The following MBNL2 variants were observed in gnomAD, a reference collection of about 807,000 sequenced individuals.
The protein encoded by MBNL2 is muscleblind-like protein 2.
A neutral mutation model predicts 41.9 loss-of-function variants in MBNL2; 17 were observed. The observed-to-expected ratio is 0.41, with a 90% confidence interval of 0.28 to 0.61. The LOEUF (loss-of-function observed/expected upper bound fraction) is 0.61. Among genes scored for constraint, MBNL2 ranks in the 20% least tolerant of loss-of-function variants. The pLI is 0.35. For synonymous variants in MBNL2, 195 were observed against 182.9 expected (o/e 1.07, Z -0.53); for missense variants, 336 against 505.6 (o/e 0.66, Z 3.22).
chr13:97,343,863 A>G (rs960716056), intron 4 of MBNL2, among the ~76,000 whole-genome samples: 12 of 152,118 alleles, frequency 7.9e-5, no homozygotes, highest in Admixed American at 7.9e-4. Flanking sequence ...CTGGAGTGCA[A>G]TGGTGCAATC....
At chr13:97,227,007 C>T (rs1365596174) in intron 1 of MBNL2, among the ~76,000 whole-genome samples, 1 of 147,662 alleles carries the variant, frequency 6.8e-6, no homozygotes, top group Admixed American at 6.8e-5. Context: ...TGCAGAATTT[C>T]GCTTTCCCCC....
chr13:97,255,729 A>T (rs2047400054), intron 1 of MBNL2, among the ~76,000 whole-genome samples: 1 of 152,238 alleles, frequency 6.6e-6, no homozygotes, highest in Admixed American at 6.5e-5. Flanking sequence ...GAAACTGTTT[A>T]GGACCTCATG....
At chr13:97,300,308 T>C (rs2152999434) in intron 2 of MBNL2, among the ~76,000 whole-genome samples, 1 of 152,290 alleles carries the variant, frequency 6.6e-6, no homozygotes, top group Admixed American at 6.5e-5. Context: ...AGAATAAGTT[T>C]TGGTGGACAG....
chr13:97,182,260 A>G, the MBNL2 span, among the ~76,000 whole-genome samples: 1 of 152,218 alleles, frequency 6.6e-6, no homozygotes, highest in South Asian at 2.1e-4. Context: ...CAGGGCTCAG[A>G]ATATACACAT....
At chr13:97,315,449 G>C (rs1387792591) in intron 2 of MBNL2, among the ~76,000 whole-genome samples, 1 of 152,176 alleles carries the variant, frequency 6.6e-6, no homozygotes, top group Non-Finnish European at 1.5e-5. Flanking sequence ...TTACAAGATA[G>C]GCCCAAGATG....
At chr13:97,330,548 C>G (rs1166759631) in intron 2 of MBNL2, among the ~76,000 whole-genome samples, 1 of 152,196 alleles carries the variant, frequency 6.6e-6, no homozygotes, top group Non-Finnish European at 1.5e-5. Context: ...AGATTTTTCC[C>G]AGACATTTTT....
At chr13:97,340,487 T>C (rs1040167787) in intron 3 of MBNL2, among the ~76,000 whole-genome samples, 2 of 152,192 alleles carry the variant, frequency 1.3e-5, no homozygotes, top group African/African-American at 4.8e-5. Context: ...CAAAAAAACC[T>C]TGATGGACAT....
chr13:97,298,545 G>A, intron 2 of MBNL2, among the ~76,000 whole-genome samples: 1 of 152,206 alleles, frequency 6.6e-6, no homozygotes, highest in Admixed American at 6.5e-5. Flanking sequence ...TAGCTGGGAA[G>A]ATCTGGGACT....
chr13:97,185,905 G>C, the MBNL2 span, among the ~76,000 whole-genome samples: 1 of 152,198 alleles, frequency 6.6e-6, no homozygotes, highest in South Asian at 2.1e-4. Flanking sequence ...TCCTCTGGTG[G>C]CTCCTCCTTC....
intron 2 of MBNL2, among the ~76,000 whole-genome samples, chr13:97,317,680 C>A (rs1011246179): frequency 3.3e-5 from 5 of 152,320 alleles, no homozygotes. Flanking sequence ...TTGTCTTGCC[C>A]TAATAGACGG....
chr13:97,217,027 AACATAATATAC>A (rs201269476), upstream of MBNL2, among the ~76,000 whole-genome samples: 1,228 of 147,910 alleles, frequency 8.3e-3, 15 homozygotes, highest in African/African-American at 0.029. Context: ...ATATACATAT[AACATAATATAC>A]ACATAATATG....
chr13:97,366,702 C>T lies in MBNL2; in HGVS notation c.1048+1531C>T. The T allele has an allele frequency of 1.4e-6, 1 of 698,866 alleles. No homozygotes were observed. Among genetic ancestry groups the T allele is most frequent in the African/African-American group, 1.8e-5 (1 of 56,084 alleles). The allele number at this position is 698,866 out of a possible 1,614,324, so 43.3% of individuals were successfully genotyped here. A position where few individuals can be genotyped will look rare whatever the true frequency, so the allele number is the denominator to read the frequency against. ...TTAGTTTATAGCAAGCATTTACAGA[C>T]AGGTTGCACTTATTTAGAGTTAACA... On this transcript the variant is annotated intron_variant, in intron 8 of 8. Transcript: ENST00000679496. This position sits in a 1 kb window ranked among gnomAD's most constrained non-coding sequence, Gnocchi z 4.7.
chr13:97,192,369 A>G, the MBNL2 span, among the ~76,000 whole-genome samples: 1 of 152,352 alleles, frequency 6.6e-6, no homozygotes, highest in Non-Finnish European at 1.5e-5. Context: ...AGATAAGATC[A>G]GACCTGGTCC....
chr13:97,155,269 T>C, the MBNL2 span, among the ~76,000 whole-genome samples: 1 of 152,126 alleles, frequency 6.6e-6, no homozygotes, highest in Non-Finnish European at 1.5e-5. Context: ...ATATATTTTT[T>C]ATATCCAGGT....
At chr13:97,329,634 AC>A (rs1488036895) in intron 2 of MBNL2, among the ~76,000 whole-genome samples, 4 of 152,226 alleles carry the variant, frequency 2.6e-5, no homozygotes, top group African/African-American at 4.8e-5. Flanking sequence ...CACTAGACAC[AC>A]AACACACACA....
chr13:97,143,315 C>T, the MBNL2 span, among the ~76,000 whole-genome samples: 1 of 152,158 alleles, frequency 6.6e-6, no homozygotes, highest in Admixed American at 6.5e-5. Flanking sequence ...TTGATCATAC[C>T]ACATAGCCAT....
intron 8 of MBNL2, among the ~76,000 whole-genome samples, chr13:97,389,541 A>G (rs1189582062): frequency 1.3e-5 from 2 of 152,074 alleles, no homozygotes; most frequent in Non-Finnish European, 2.9e-5. Context: ...CATCTCTACA[A>G]AAATAAAAAT....
chr13:97,188,819 G>A, the MBNL2 span, among the ~76,000 whole-genome samples: 1 of 151,934 alleles, frequency 6.6e-6, no homozygotes, highest in East Asian at 1.9e-4. Context: ...GTCATACTCC[G>A]TTGTCCACTT....
At chr13:97,337,451 A>G (rs2060984307) in intron 3 of MBNL2, among the ~76,000 whole-genome samples, 1 of 152,114 alleles carries the variant, frequency 6.6e-6, no homozygotes, top group Admixed American at 6.6e-5. Flanking sequence ...TCCTTTGCCC[A>G]CCATTTTCCT....
Sources: allele counts gnomAD v4.1 joint callset (sites outside exome capture counted in the v4.1 genomes callset), GRCh38; gene constraint gnomAD v4.1.1; non-coding constraint Gnocchi (gnomAD v3.1); transcripts MANE v1.5; gene names NCBI Gene and HGNC (gene_info 2026-07-23, HGNC 2026-07-21).